SBK1: variants seen among roughly 807,000 people sequenced by gnomAD.
SBK1 encodes the protein SH3 domain binding kinase 1.
SBK1 carries 11 observed loss-of-function variants against 24.4 expected under a neutral mutation model. The observed-to-expected ratio is 0.45, with a 90% CI of 0.28 to 0.75. The LOEUF is 0.75. Ranked by LOEUF, SBK1 falls within the 30% of genes least tolerant of loss-of-function variation. The pLI, the probability that SBK1 is intolerant of heterozygous loss-of-function variation, is 0.12. For missense variants in SBK1, 467 were observed against 620.5 expected (o/e 0.75, Z 2.63); for synonymous variants, 308 against 284.4 (o/e 1.08, Z -0.83).
At chr16:28,292,491 G>C (rs2044606845), upstream of SBK1, 2 of 968,296 alleles carry the variant, frequency 2.1e-6, no homozygotes, top group Non-Finnish European at 2.4e-6. Flanking sequence ...CGGGCCGGGC[G>C]GGCAGGTGCG....
intron 1 of SBK1, among the ~76,000 whole-genome samples, chr16:28,301,144 G>T (rs556054659): frequency 5.9e-5 from 9 of 152,346 alleles, no homozygotes; most frequent in African/African-American, 2.2e-4. Context: ...ACCCCTGAGT[G>T]CTGGGCCACC....
chr16:28,275,365 A>G (rs1205477840), intron 1 of SBK1, among the ~76,000 whole-genome samples: 2 of 152,140 alleles, frequency 1.3e-5, no homozygotes, highest in Non-Finnish European at 2.9e-5. Context: ...ATTCTAAACA[A>G]TGGGCATATC....
At chr16:28,298,599 C>A (rs939916275) in intron 1 of SBK1, among the ~76,000 whole-genome samples, 4 of 152,246 alleles carry the variant, frequency 2.6e-5, no homozygotes, top group African/African-American at 9.6e-5. Context: ...TTAAGTGGAT[C>A]TGTTGCAGAT....
At chr16:28,280,149 A>ATATATATATATATGTG (rs1230385223) in intron 1 of SBK1, among the ~76,000 whole-genome samples, 46 of 39,394 alleles carry the variant, frequency 1.2e-3, no homozygotes, top group African/African-American at 2.9e-3. Flanking sequence ...ATATATATAT[A>ATATATATATATATGTG]TGTGTGTGTG....
intron 1 of SBK1, among the ~76,000 whole-genome samples, chr16:28,294,807 C>T (rs2044627275): frequency 6.6e-6 from 1 of 152,238 alleles, no homozygotes; most frequent in Non-Finnish European, 1.5e-5. Flanking sequence ...GTAGGGGGCA[C>T]TTGATGCGGG....
rs774095552 is a variant in SBK1, at chr16:28,282,626, G to GTGAA, written c.257+23143_257+23146dup. Among the ~76,000 whole-genome samples, 17 of 150,140 alleles carry GTGAA rather than the reference G, an allele frequency of 1.1e-4. No homozygotes were observed. In the East Asian group the frequency reaches 2.4e-3, roughly 21 times the overall value. ...ACATTTTGGGGGCCTGGGAACAAGT[G>GTGAA]TGAATGAATGAATGAATGAATGGAG... On this transcript the variant is annotated intron_variant, in intron 1 of 3. Transcript: ENST00000671413.
In SBK1 at chr16:28,292,795, G is replaced by A. The variant is rs990352755; in HGVS notation, c.-513G>A. On this transcript the variant is annotated 5_prime_UTR_variant, in exon 1 of 4. Transcript: ENST00000341901. ...GATCCGGCGAGCCTCGGGGAAGAGGGGGGGCCCTCCCGGATCCGACACCGA... is the reference window on the plus strand; with the variant it reads ...GATCCGGCGAGCCTCGGGGAAGAGGAGGGGCCCTCCCGGATCCGACACCGA... 1 of 985,426 alleles carries A rather than the reference G, an allele frequency of 1.0e-6. No individual in the cohort carries two copies. The highest frequency in any genetic ancestry group is 1.2e-6 in the Non-Finnish European group (1 of 829,908). 61.0% of individuals were successfully genotyped at this position (985,426 alleles called of 1,614,324 possible).
rs1331424231 is a variant in SBK1 at position 28,321,222 on chromosome 16, C to T, written c.*301C>T. The T allele has an allele frequency of 5.5e-4, 93 of 169,458 alleles. No individual in the cohort carries two copies. Among genetic ancestry groups the T allele is most frequent in the South Asian group, 1.7e-3 (9 of 5,234 alleles). The allele number at this position is 169,458 out of a possible 1,614,324, so 10.5% of individuals were successfully genotyped here. On this transcript the variant is annotated 3_prime_UTR_variant, in exon 4 of 4. Transcript: ENST00000341901. The stretch of plus-strand genomic sequence containing the variant: ...ACACACACACACACACACACACACA[C>T]ACACACACACACACACGCCAGGAGC...
intron 1 of SBK1, among the ~76,000 whole-genome samples, chr16:28,280,695 C>T (rs898726742): frequency 4.6e-5 from 7 of 152,022 alleles, no homozygotes; most frequent in African/African-American, 1.7e-4. Context: ...GACAGGGTCT[C>T]ACTCTGTCAC....
At chr16:28,281,306 A>C (rs952443781) in intron 1 of SBK1, among the ~76,000 whole-genome samples, 1 of 151,996 alleles carries the variant, frequency 6.6e-6, no homozygotes, top group African/African-American at 2.4e-5. Flanking sequence ...GCTCCACCCC[A>C]GCCTGCCTCC....
chr16:28,317,728 G>C lies in SBK1; in HGVS notation c.226+111G>C. 1.3e-6 allele frequency: 1 copy of C among 761,206 alleles called. No individual in the cohort carries two copies. The highest frequency in any genetic ancestry group is 2.3e-6 in the Non-Finnish European group (1 of 443,176). The allele number at this position is 761,206 out of a possible 1,614,324, so 47.2% of individuals were successfully genotyped here. On this transcript the variant is annotated intron_variant, in intron 2 of 3. Coordinates refer to ENST00000341901, the MANE Select transcript of SBK1 (RefSeq NM_001024401.3). The surrounding 1 kb of genome is among the most constrained non-coding windows in gnomAD (Gnocchi z 4.2). The stretch of plus-strand genomic sequence containing the variant: ...GGGCCGGGGCTCTCTGGTGCTCTGT[G>C]GAAGCCAGGAGGCAGGGTCAGGGGC...
chr16:28,315,012 A>G (rs2044783398), intron 1 of SBK1, among the ~76,000 whole-genome samples: 1 of 152,150 alleles, frequency 6.6e-6, no homozygotes, highest in African/African-American at 2.4e-5. Context: ...AAGGGAGTGC[A>G]GGGAGGGTAG....
At position 28,320,720 on chromosome 16, in the gene SBK1, G is replaced by A. The variant is rs2044834754; in HGVS notation, c.1074G>A (p.Glu358=). Residue 358 remains glutamate (E), a synonymous_variant, in exon 4 of 4, where the codon GAG becomes GAA. Transcript: ENST00000341901. This position sits in a 1 kb window ranked among gnomAD's most constrained non-coding sequence, Gnocchi z 8.5. The stretch of plus-strand genomic sequence containing the variant: ...CGCTCAAGCGGACGGTGCTGACCGA[G>A]AGCGGCAGCGGCTCCCGGCCCGCGC... ...PGPLKRTVLT[E]SGSGSRPAPP... 1.7e-6 allele frequency: 2 copies of A among 1,150,824 alleles called. No individual in the cohort carries two copies. The highest frequency in any genetic ancestry group is 2.1e-6 in the Non-Finnish European group (2 of 932,354). 71.3% of individuals were successfully genotyped at this position (1,150,824 alleles called of 1,614,324 possible). A position where few individuals can be genotyped will look rare whatever the true frequency, so the allele number is the denominator to read the frequency against.
rs115122941 is a variant in SBK1, at chr16:28,319,336, G to A, written c.429+139G>A. On this transcript the variant is annotated intron_variant, in intron 3 of 3. Transcript: ENST00000341901. The surrounding 1 kb of genome is among the most constrained non-coding windows in gnomAD (Gnocchi z 4.0). ...TGTCAGTTACCATTTGGGGAGGTGG[G>A]GATGTGCAGTAAGGAAGACAAAAGT... 2.1e-3 allele frequency: 1,451 copies of A among 689,490 alleles called. 15 individuals carry two copies. The African/African-American group carries it at 0.023, about 11-fold the overall frequency. The allele number at this position is 689,490 out of a possible 1,614,324, so 42.7% of individuals were successfully genotyped here.
At position 28,259,526 on chromosome 16, in the gene SBK1, GGGTGGGCAGCA is replaced by G. The variant is rs2044383892; in HGVS notation, c.257+33_257+43del. On this transcript the variant is annotated intron_variant, in intron 1 of 3. Transcript: ENST00000671413. This position sits in a 1 kb window ranked among gnomAD's most constrained non-coding sequence, Gnocchi z 6.0. ...AGGTCAGTGCTCGTGGGTGGCCAGT[GGGTGGGCAGCA>G]GGTGGGCACAGCGCTCGACCCAGGG... 1 of 898,952 alleles carries G rather than the reference GGGTGGGCAGCA, an allele frequency of 1.1e-6. No homozygotes were observed. The allele number at this position is 898,952 out of a possible 1,614,324, so 55.7% of individuals were successfully genotyped here.
At chr16:28,272,266 C>T (rs1052938148) in intron 1 of SBK1, among the ~76,000 whole-genome samples, 1 of 151,912 alleles carries the variant, frequency 6.6e-6, no homozygotes, top group East Asian at 1.9e-4. Flanking sequence ...GACAGAGTTT[C>T]GCTATGTTGT....
rs933075786 is a variant in SBK1 at position 28,319,454 on chromosome 16, T to A, written c.429+257T>A. Among the ~76,000 whole-genome samples the A allele has an allele frequency of 2.0e-5, 3 of 151,960 alleles. No homozygotes were observed. The highest frequency in any genetic ancestry group is 4.4e-5 in the Non-Finnish European group (3 of 67,982). ...AAAGGAGACAGTGAGAATGATGGGA[T>A]GAAGTCACTGGGCCCTCCCCTGGGG... On this transcript the variant is annotated intron_variant, in intron 3 of 3. Transcript: ENST00000341901. The surrounding 1 kb of genome is among the most constrained non-coding windows in gnomAD (Gnocchi z 4.0).
chr16:28,267,952 A>G (rs541306709), intron 1 of SBK1, among the ~76,000 whole-genome samples: 1 of 152,278 alleles, frequency 6.6e-6, no homozygotes, highest in East Asian at 1.9e-4. Flanking sequence ...GTTCAAGACC[A>G]GCCTGAGCCA....
At position 28,320,897 on chromosome 16, in the gene SBK1, C is replaced by G; in HGVS notation, c.1251C>G (p.Ala417=). 2 of 1,498,660 alleles carry G rather than the reference C, an allele frequency of 1.3e-6. No homozygotes were observed. Among genetic ancestry groups the G allele is most frequent in the Non-Finnish European group, 1.8e-6 (2 of 1,128,898 alleles). 92.8% of individuals were successfully genotyped at this position (1,498,660 alleles called of 1,614,324 possible). The change falls in exon 4 of 4, where the codon GCC becomes GCG. Residue 417 remains alanine, a synonymous_variant. Transcript: ENST00000341901. This position sits in a 1 kb window ranked among gnomAD's most constrained non-coding sequence, Gnocchi z 8.5. ...AGAGCAAAGGGCAGGTGGTGCTGGC[C>G]ACGGCCATCGAGATCTGCGTCTGAG... ...ADKSKGQVVL[A]TAIEICV
Sources: gnomAD v4.1 joint callset for allele counts (sites outside exome capture counted in the v4.1 genomes callset) on GRCh38, gnomAD v4.1.1 for gene constraint, Gnocchi (gnomAD v3.1) non-coding constraint, MANE v1.5 for transcripts, NCBI Gene and HGNC (gene_info 2026-07-23, HGNC 2026-07-21) for gene names.